The following MTUS2 variants were observed in gnomAD, a reference collection of about 807,000 sequenced individuals.
MTUS2 encodes microtubule-associated tumor suppressor candidate 2.
In MTUS2, 40 loss-of-function variants were observed where a neutral mutation model predicts 114.1. That is an observed-to-expected ratio of 0.35 (90% CI 0.27 to 0.46). The LOEUF (loss-of-function observed/expected upper bound fraction) is 0.46. Ranked by LOEUF, MTUS2 falls within the 20% of genes least tolerant of loss-of-function variation. The probability of loss-of-function intolerance (pLI) is 1.00; values close to 1 mark genes in which losing one functional copy is unlikely to be tolerated. For missense variants in MTUS2, 1,679 were observed against 1,705.4 expected (o/e 0.98, Z 0.27); for synonymous variants, 688 against 672.0 (o/e 1.02, Z -0.37).
At chr13:28,991,451 C>G (rs1884849447) in intron 2 of MTUS2, among the ~76,000 whole-genome samples, 1 of 150,832 alleles carries the variant, frequency 6.6e-6, no homozygotes, top group Non-Finnish European at 1.5e-5. Flanking sequence ...TCACTGCAAG[C>G]TCCGCCTCCC....
chr13:29,500,441 G>A (rs1882810781), intron 14 of MTUS2, among the ~76,000 whole-genome samples: 1 of 152,180 alleles, frequency 6.6e-6, no homozygotes, highest in Admixed American at 6.5e-5. Flanking sequence ...TCAGGCCCTC[G>A]AGGACACGCT....
intron 2 of MTUS2, among the ~76,000 whole-genome samples, chr13:28,840,429 TTAGACA>T (rs1875396154): frequency 1.3e-5 from 2 of 152,188 alleles, no homozygotes. Flanking sequence ...TTTGTGCAAA[TTAGACA>T]AAGGCACCCC....
chr13:29,478,111 C>T (rs1459919171), intron 9 of MTUS2, among the ~76,000 whole-genome samples: 1 of 152,184 alleles, frequency 6.6e-6, no homozygotes, highest in Non-Finnish European at 1.5e-5. Context: ...TGTCCAGGTT[C>T]TAAAAGTCAA....
chr13:28,854,648 A>G (rs1429006736), intron 2 of MTUS2, among the ~76,000 whole-genome samples: 1 of 152,196 alleles, frequency 6.6e-6, no homozygotes, highest in East Asian at 1.9e-4. Flanking sequence ...CCATTTTTAA[A>G]AGTTCCTTTG....
chr13:29,215,098 A>G (rs1895622629), intron 5 of MTUS2, among the ~76,000 whole-genome samples: 1 of 150,658 alleles, frequency 6.6e-6, no homozygotes, highest in African/African-American at 2.4e-5. Context: ...TTCATGCTTC[A>G]TTTCATTAAG....
At chr13:29,126,888 T>C (rs754974035) in intron 5 of MTUS2, among the ~76,000 whole-genome samples, 3 of 152,216 alleles carry the variant, frequency 2.0e-5, no homozygotes, top group Non-Finnish European at 4.4e-5. Context: ...ATGGTACCCA[T>C]ATCACAGGGC....
chr13:28,958,487 A>C (rs1472623352), intron 2 of MTUS2, among the ~76,000 whole-genome samples: 1 of 152,228 alleles, frequency 6.6e-6, no homozygotes. Flanking sequence ...GGAAATTTGT[A>C]TATGAAGTGA....
chr13:29,105,126 C>G (rs1029767631), intron 5 of MTUS2, among the ~76,000 whole-genome samples: 3 of 152,102 alleles, frequency 2.0e-5, no homozygotes, highest in African/African-American at 4.8e-5. Context: ...TTGAGTTGCT[C>G]AACTGGTATA....
In MTUS2 at chr13:28,981,710, C is replaced by A. The variant is rs115738304; in HGVS notation, c.-242-42747C>A. ...CTGAGTGGCGCTTGGCAATGGGCCTCCTGCCCAGTGACCCCTGTGCCACTT... is the reference window on the plus strand; with the variant it reads ...CTGAGTGGCGCTTGGCAATGGGCCTACTGCCCAGTGACCCCTGTGCCACTT... On this transcript the variant is annotated intron_variant, in intron 2 of 15. Transcript: ENST00000612955. 3.6e-3 allele frequency among the ~76,000 whole-genome samples: 541 copies of A among 152,248 alleles called. 3 individuals carry two copies. The highest frequency in any genetic ancestry group is 0.013 in the African/African-American group (523 of 41,536).
chr13:28,960,174 A>G (rs1488282307), intron 2 of MTUS2, among the ~76,000 whole-genome samples: 5 of 152,218 alleles, frequency 3.3e-5, no homozygotes, highest in African/African-American at 4.8e-5. Context: ...TCAAAACCAC[A>G]ATTAAATACC....
At chr13:28,860,283 T>A (rs1320518305) in intron 2 of MTUS2, among the ~76,000 whole-genome samples, 1 of 152,190 alleles carries the variant, frequency 6.6e-6, no homozygotes, top group Non-Finnish European at 1.5e-5. Flanking sequence ...GAGGCAGCAT[T>A]TCTAATAGTC....
intron 10 of MTUS2, among the ~76,000 whole-genome samples, chr13:29,482,896 C>T (rs929836413): frequency 5.3e-5 from 8 of 152,174 alleles, no homozygotes; most frequent in African/African-American, 1.4e-4. Context: ...TGGCTGTTTC[C>T]CCAGGCTTCA....
chr13:28,996,055 T>C (rs1272219855), intron 2 of MTUS2, among the ~76,000 whole-genome samples: 3 of 152,228 alleles, frequency 2.0e-5, no homozygotes, highest in Non-Finnish European at 4.4e-5. Context: ...GCTCTTATTA[T>C]TTTGAGATAC....
intron 5 of MTUS2, among the ~76,000 whole-genome samples, chr13:29,129,219 A>G (rs1449219916): frequency 2.0e-5 from 3 of 147,750 alleles, no homozygotes; most frequent in Non-Finnish European, 4.4e-5. Context: ...CCCATCCGGA[A>G]TGACATTCCA....
chr13:29,037,465 T>C (rs890153688), intron 4 of MTUS2, among the ~76,000 whole-genome samples: 1 of 152,178 alleles, frequency 6.6e-6, no homozygotes, highest in African/African-American at 2.4e-5. Flanking sequence ...ATTTCAACCT[T>C]GGTGAATCAT....
chr13:29,116,692 G>A (rs1891102428), intron 5 of MTUS2, among the ~76,000 whole-genome samples: 1 of 152,074 alleles, frequency 6.6e-6, no homozygotes, highest in African/African-American at 2.4e-5. Context: ...TTGAACACAG[G>A]CACTAAGACG....
intron 4 of MTUS2, among the ~76,000 whole-genome samples, chr13:29,038,005 T>G (rs1887162845): frequency 6.6e-6 from 1 of 152,214 alleles, no homozygotes; most frequent in Admixed American, 6.5e-5. Context: ...TTTTGAAGCC[T>G]ACTTCTGTCA....
intron 12 of MTUS2, among the ~76,000 whole-genome samples, chr13:29,493,307 C>T (rs903217440): frequency 6.6e-6 from 1 of 152,168 alleles, no homozygotes; most frequent in Non-Finnish European, 1.5e-5. Context: ...TGTCTCCTTC[C>T]TGCCTTACAG....
chr13:29,080,510 GCCAGT>G (rs1176690241), intron 4 of MTUS2, among the ~76,000 whole-genome samples: 2 of 152,182 alleles, frequency 1.3e-5, no homozygotes, highest in African/African-American at 4.8e-5. Context: ...GAGCAAGGAA[GCCAGT>G]CCATATCTCA....
Sources: allele counts gnomAD v4.1 joint callset (sites outside exome capture counted in the v4.1 genomes callset), GRCh38; gene constraint gnomAD v4.1.1; transcripts MANE v1.5; gene names NCBI Gene and HGNC (gene_info 2026-07-23, HGNC 2026-07-21).